Variants in TRPM6 observed in about 807,000 individuals in gnomAD.
TRPM6 encodes the protein channel kinase 2.
In TRPM6, 111 loss-of-function variants were observed where a neutral mutation model predicts 247.6. That is an observed-to-expected ratio of 0.45 (90% CI 0.38 to 0.52). TRPM6 has a LOEUF of 0.52. Ranked by LOEUF, TRPM6 falls within the 20% of genes least tolerant of loss-of-function variation. The pLI, the probability that TRPM6 is intolerant of heterozygous loss-of-function variation, is 0.00. For synonymous variants in TRPM6, 892 were observed against 853.8 expected (o/e 1.04, Z -0.78); for missense variants, 2,126 against 2,421.5 (o/e 0.88, Z 2.56).
intron 3 of TRPM6, 64 bp from the exon 4 acceptor site, chr9:74,842,407 T>C (rs949110537): frequency 2.6e-6 from 4 of 1,542,960 alleles, no homozygotes; most frequent in Admixed American, 3.4e-5. Flanking sequence ...TATGTCTACC[T>C]TTTTCTAAAG....
chr9:74,833,950 T>A, intron 6 of TRPM6, 48 bp downstream of exon 6: 1 of 1,611,004 alleles, frequency 6.2e-7, no homozygotes, highest in Non-Finnish European at 8.5e-7. Flanking sequence ...AGCTGGCAAT[T>A]TGCACACGTG....
intron 16 of TRPM6, among the ~76,000 whole-genome samples, chr9:74,801,525 G>A (rs1828338338): frequency 6.6e-6 from 1 of 152,018 alleles, no homozygotes; most frequent in African/African-American, 2.4e-5. Context: ...TTTCCCACCT[G>A]AGAGATACTT....
At chr9:74,832,484 G>C (rs896686801) in intron 6 of TRPM6, among the ~76,000 whole-genome samples, 13 of 151,888 alleles carry the variant, frequency 8.6e-5, no homozygotes, top group African/African-American at 3.1e-4. Context: ...AGAAATTCCT[G>C]GTAATTTTTT....
At chr9:74,767,268 T>C (rs888997944) in intron 25 of TRPM6, among the ~76,000 whole-genome samples, 1 of 152,092 alleles carries the variant, frequency 6.6e-6, no homozygotes, top group Non-Finnish European at 1.5e-5. Context: ...GTACCAAACA[T>C]GCTTAATGTG....
chr9:74,791,901 C>T (rs377405122), intron 19 of TRPM6, among the ~76,000 whole-genome samples: 4 of 152,140 alleles, frequency 2.6e-5, no homozygotes, highest in South Asian at 2.1e-4. Context: ...GGACTACAGG[C>T]GCCCGCCATC....
In TRPM6 at chr9:74,816,928, C is replaced by A. The variant is rs768430322; in HGVS notation, c.1171G>T (p.Asp391Tyr). Reference protein sequence around the residue: ...IFDADSEEQQDLDLAILTALL... With the variant: ...IFDADSEEQQYLDLAILTALL... ...GCTGTTAGGATTGCTAAGTCCAGGT[C>A]TTGCTGCTCTTCAGAGTCAGCATCA... Residue 391 changes from aspartate (D) to tyrosine (Y), a missense_variant, in exon 10 of 39, where the codon GAC becomes TAC. Asp to Tyr is a radical substitution (Grantham distance 160, BLOSUM62 -3). Transcript: ENST00000360774. 2 of 1,614,132 alleles carry A rather than the reference C, an allele frequency of 1.2e-6. No homozygotes were observed. The highest frequency in any genetic ancestry group is 1.1e-5 in the South Asian group (1 of 91,074).
chr9:74,852,916 G>C (rs568607422), intron 3 of TRPM6, among the ~76,000 whole-genome samples: 1 of 152,066 alleles, frequency 6.6e-6, no homozygotes, highest in South Asian at 2.1e-4. Context: ...CAGCCACCCC[G>C]TCTGGGAAGT....
chr9:74,808,242 T>C (rs1298400614), intron 13 of TRPM6, 68 bp from the exon 14 acceptor site: 2 of 1,590,028 alleles, frequency 1.3e-6, no homozygotes, highest in African/African-American at 2.7e-5. Flanking sequence ...GCCATGCCAT[T>C]AGAACATAAT....
At chr9:74,882,803 A>G (rs778437199) in intron 1 of TRPM6, among the ~76,000 whole-genome samples, 8 of 152,218 alleles carry the variant, frequency 5.3e-5, no homozygotes, top group Non-Finnish European at 1.2e-4. Context: ...TATTCAAAGT[A>G]TAAGACAAAG....
At chr9:74,865,876 A>G (rs1437545763) in intron 1 of TRPM6, among the ~76,000 whole-genome samples, 6 of 152,204 alleles carry the variant, frequency 3.9e-5, no homozygotes, top group Admixed American at 1.3e-4. Flanking sequence ...GGATCAAGTG[A>G]TATTCCTGCC....
rs1290744320 is a variant in TRPM6 at position 74,771,728 on chromosome 9, C to T, written c.3511G>A (p.Glu1171Lys). The change falls in exon 25 of 39, where the codon GAA becomes AAA. Residue 1171 changes from glutamate (E) to lysine (K), a missense_variant. Around this residue, in one of 3 missense-constraint regions of TRPM6, gnomAD observed 717 missense variants for 715.9 expected, o/e 1.00. Coordinates refer to ENST00000360774, the MANE Select transcript of TRPM6 (RefSeq NM_017662.5). ...CTTTCTGATGTCACTCGGATTCGTT[C>T]CTCACAACTACAATTCACATCTTCC... ...KMEDVNCSCE[E>K]RIRVTSERVT... 1.2e-6 allele frequency: 2 copies of T among 1,613,826 alleles called. No homozygotes were observed. Among genetic ancestry groups the T allele is most frequent in the Non-Finnish European group, 1.7e-6 (2 of 1,179,986 alleles).
At position 74,803,789 on chromosome 9, in the gene TRPM6, G is replaced by A. The variant is rs765356879; in HGVS notation, c.1731+5C>T. 4 of 1,596,494 alleles carry A rather than the reference G, an allele frequency of 2.5e-6. No individual in the cohort carries two copies. The highest frequency in any genetic ancestry group is 2.6e-6 in the Non-Finnish European group (3 of 1,164,018). On this transcript the variant is annotated splice_donor_5th_base_variant and intron_variant, in intron 15 of 38. Coordinates refer to ENST00000360774, the MANE Select transcript of TRPM6 (RefSeq NM_017662.5). Reference sequence around the variant, plus strand: ...CTTTCAAGTTGAAAAACAAGTAAATGGTACCTTGAATTTGTATGGCTGTGC... The same window carrying A: ...CTTTCAAGTTGAAAAACAAGTAAATAGTACCTTGAATTTGTATGGCTGTGC...
intron 37 of TRPM6, among the ~76,000 whole-genome samples, chr9:74,729,322 A>C (rs1825443580): frequency 6.6e-6 from 1 of 152,216 alleles, no homozygotes; most frequent in South Asian, 2.1e-4. Flanking sequence ...GCGGTTTTTC[A>C]AAAGGGACGT....
intron 7 of TRPM6, among the ~76,000 whole-genome samples, chr9:74,825,387 A>G (rs532645213): frequency 1.3e-5 from 2 of 152,244 alleles, no homozygotes; most frequent in Non-Finnish European, 2.9e-5. Context: ...CCTCATAAGT[A>G]TGTTAGGTAT....
chr9:74,822,713 A>G (rs1321926744), intron 7 of TRPM6, among the ~76,000 whole-genome samples: 1 of 152,102 alleles, frequency 6.6e-6, no homozygotes, highest in Non-Finnish European at 1.5e-5. Context: ...CCAAGCCTAT[A>G]TATATATTAC....
intron 27 of TRPM6, among the ~76,000 whole-genome samples, chr9:74,756,462 T>A (rs761309996): frequency 3.3e-5 from 5 of 152,000 alleles, no homozygotes; most frequent in Non-Finnish European, 5.9e-5. Flanking sequence ...AAAGACTCAC[T>A]GAATGAAAAT....
chr9:74,740,182 T>C (rs1333784150), intron 33 of TRPM6, among the ~76,000 whole-genome samples, 173 bp from the exon 34 acceptor site: 1 of 152,172 alleles, frequency 6.6e-6, no homozygotes, highest in Non-Finnish European at 1.5e-5. Context: ...CATGTTTCCA[T>C]GTTATTTATT....
intron 1 of TRPM6, among the ~76,000 whole-genome samples, chr9:74,862,394 G>A (rs934056746): frequency 2.0e-5 from 3 of 152,114 alleles, no homozygotes; most frequent in Non-Finnish European, 2.9e-5. Flanking sequence ...AGTCTTCATC[G>A]ACTGGATGTT....
In TRPM6 at chr9:74,752,211, G is replaced by A. The variant is rs979391626; in HGVS notation, c.4998+66C>T. The A allele has an allele frequency of 6.9e-6, 6 of 871,632 alleles. No homozygotes were observed. In the African/African-American group the frequency reaches 8.3e-5, roughly 12 times the overall value. 54.0% of individuals were successfully genotyped at this position (871,632 alleles called of 1,614,324 possible). On this transcript the variant is annotated intron_variant, in intron 29 of 38. Coordinates refer to ENST00000360774, the MANE Select transcript of TRPM6 (RefSeq NM_017662.5). Reference sequence around the variant, plus strand: ...CAATTAAGGGACATAAAGGTAAAATGGGCGTAGTCAAGAGTAGCACTGCAT... The same window carrying A: ...CAATTAAGGGACATAAAGGTAAAATAGGCGTAGTCAAGAGTAGCACTGCAT...
Sources: gnomAD v4.1 joint callset for allele counts (sites outside exome capture counted in the v4.1 genomes callset) on GRCh38, gnomAD v4.1.1 for gene constraint, gnomAD v4.1.1 regional missense constraint, MANE v1.5 for transcripts, NCBI Gene and HGNC (gene_info 2026-07-23, HGNC 2026-07-21) for gene names.